MYO18A: variants seen among roughly 807,000 people sequenced by gnomAD.
MYO18A encodes unconventional myosin-XVIIIa.
Under a neutral mutation model 235.8 loss-of-function variants are expected in MYO18A, and 78 were observed. The ratio of observed to expected loss-of-function variants is 0.33; its 90% CI spans 0.28 to 0.40. MYO18A has a LOEUF of 0.40. MYO18A is among the 10% of genes least tolerant of loss of function. The pLI, the probability that MYO18A is intolerant of heterozygous loss-of-function variation, is 1.00. For synonymous variants in MYO18A, 977 were observed against 1,077.8 expected, an observed-to-expected ratio of 0.91 and a Z score of 1.83; for missense variants, 2,215 against 2,699.3, an observed-to-expected ratio of 0.82 and a Z score of 3.98.
intron 2 of MYO18A, among the ~76,000 whole-genome samples, chr17:29,135,743 T>C (rs1022128686): frequency 6.6e-6 from 1 of 152,268 alleles, no homozygotes. Flanking sequence ...ATTCTCTCTG[T>C]GGCTTTTATG....
chr17:29,086,923 C>T lies in MYO18A; in HGVS notation c.5712+13G>A. 1 of 1,608,214 alleles carries T rather than the reference C, an allele frequency of 6.2e-7. No homozygotes were observed. ...GCTGCCATGTGGGCCCCGTGGGGGA[C>T]AGGGGGCATTACCAGTTCGTGCTTC... On this transcript the variant is annotated intron_variant, in intron 38 of 41. Transcript: ENST00000527372.
At chr17:29,116,721 ACCCT>A (rs2067078396) in intron 10 of MYO18A, among the ~76,000 whole-genome samples, 8 of 3,470 alleles carry the variant, frequency 2.3e-3, no homozygotes, top group Admixed American at 7.0e-3. Flanking sequence ...GCGCAAACAC[ACCCT>A]CCCCCCCCCC....
intron 2 of MYO18A, chr17:29,128,349 C>A: frequency 7.8e-7 from 1 of 1,279,500 alleles, no homozygotes. Flanking sequence ...ACCTTCCTCA[C>A]TGCATTTGCC....
Position 29,140,490 on chromosome 17 carries a change from A to T in MYO18A, c.1000-18237T>A. 8.9e-7 allele frequency: 1 copy of T among 1,121,996 alleles called. No homozygotes were observed. The highest frequency in any genetic ancestry group is 1.1e-6 in the Non-Finnish European group (1 of 885,126). The allele number at this position is 1,121,996 out of a possible 1,614,324, so 69.5% of individuals were successfully genotyped here. A position where few individuals can be genotyped will look rare whatever the true frequency, so the allele number is the denominator to read the frequency against. ...CTCCCGTCCCGAGCTGCCCAGCCCT[A>T]GTTGGAGCCAGCAGCCCGGAGGACT... On this transcript the variant is annotated intron_variant, in intron 2 of 41. Transcript: ENST00000527372. The surrounding 1 kb of genome is among the most constrained non-coding windows in gnomAD (Gnocchi z 4.2).
Position 29,111,691 on chromosome 17 carries a change from A to T in MYO18A, c.2740+31T>A. On this transcript the variant is annotated intron_variant, in intron 16 of 41. Transcript: ENST00000527372. The surrounding 1 kb of genome is among the most constrained non-coding windows in gnomAD (Gnocchi z 5.1). ...GACCCACCTGTATGTAAGAGGAAGC[A>T]GAGGAGCTACCCTCTAGGGATGCCA... The T allele has an allele frequency of 6.2e-7, 1 of 1,612,930 alleles. No homozygotes were observed. Among genetic ancestry groups the T allele is most frequent in the Non-Finnish European group, 8.5e-7 (1 of 1,179,420 alleles).
intron 22 of MYO18A, 24 bp downstream of exon 22, chr17:29,099,610 G>A (rs775439043): frequency 1.2e-6 from 2 of 1,607,808 alleles, no homozygotes; most frequent in South Asian, 1.1e-5. Flanking sequence ...TTGGGGAGGG[G>A]GAGGGATGTC....
At chr17:29,119,553 ATTT>A (rs11349517) in intron 7 of MYO18A, 118 bp from the exon 8 acceptor site, 5,419 of 429,178 alleles carry the variant, frequency 0.013, 1 homozygote, top group East Asian at 0.03. Flanking sequence ...AAGCAGCTGC[ATTT>A]TTTTTTTTTT....
intron 2 of MYO18A, among the ~76,000 whole-genome samples, chr17:29,161,310 G>A (rs1598391987): frequency 6.7e-6 from 1 of 148,232 alleles, no homozygotes; most frequent in Admixed American, 6.8e-5. Flanking sequence ...AGCTGAGATC[G>A]CGCCACTGCA....
In MYO18A at chr17:29,079,653, C is replaced by G. The variant is rs2066067598; in HGVS notation, c.6020+2663G>C. The G allele has an allele frequency of 2.9e-5, 28 of 955,054 alleles. No homozygotes were observed. The South Asian group carries it at 1.4e-3, about 46-fold the overall frequency. The allele number at this position is 955,054 out of a possible 1,614,324, so 59.2% of individuals were successfully genotyped here. On this transcript the variant is annotated intron_variant, in intron 41 of 41. Coordinates refer to ENST00000527372, the MANE Select transcript of MYO18A (RefSeq NM_078471.4). ...TGCGGGTGGGCCCTAAGGTGGCGGC[C>G]TGAGGGGCAGGGAGGACGTTAGTTC...
rs534771883 is a variant in MYO18A, at chr17:29,121,184, G to A, written c.1399C>T (p.Arg467Trp). The A allele has an allele frequency of 4.8e-5, 77 of 1,609,240 alleles. No homozygotes were observed. In the South Asian group the frequency reaches 6.7e-4, roughly 14 times the overall value. The change falls in exon 6 of 42, where the codon CGG becomes TGG. Residue 467 changes from arginine to tryptophan, a missense_variant. Transcript: ENST00000527372. The surrounding 1 kb of genome is among the most constrained non-coding windows in gnomAD (Gnocchi z 4.2). ...TAGATGTGGGGTGCCATGTCCTCCC[G>A]CCGACAACCCTTGAACATGTGCATC... Reference protein sequence around the residue: ...KVMHMFKGCRREDMAPHIYAV... With the variant: ...KVMHMFKGCRWEDMAPHIYAV...
At position 29,111,763 on chromosome 17, in the gene MYO18A, C is replaced by A; in HGVS notation, c.2699G>T (p.Arg900Leu). The change falls in exon 16 of 42, where the codon CGC (arginine) becomes CTC (leucine). Residue 900 changes from arginine to leucine, a missense_variant. Arg to Leu is a moderately radical substitution (Grantham distance 102). Transcript: ENST00000527372. This position sits in a 1 kb window ranked among gnomAD's most constrained non-coding sequence, Gnocchi z 5.1. ...CTGGGGGCCATAATAGGAGAAAAGG[C>A]GCTCCAGGAGGGTGTCCTCACTGGC... ...PGASEDTLLE[R>L]LFSYYGPQEG... 1 of 1,613,782 alleles carries A rather than the reference C, an allele frequency of 6.2e-7. No homozygotes were observed. Among genetic ancestry groups the A allele is most frequent in the Non-Finnish European group, 8.5e-7 (1 of 1,179,794 alleles).
intron 2 of MYO18A, among the ~76,000 whole-genome samples, chr17:29,156,181 G>T (rs2068062640): frequency 6.6e-6 from 1 of 152,226 alleles, no homozygotes; most frequent in African/African-American, 2.4e-5. Flanking sequence ...TATGAAGGCA[G>T]TTCAGGGAGA....
intron 2 of MYO18A, among the ~76,000 whole-genome samples, chr17:29,131,006 G>T (rs996345445): frequency 1.3e-5 from 2 of 152,164 alleles, no homozygotes; most frequent in African/African-American, 2.4e-5. Context: ...GACGCTCCCT[G>T]ACCTAAGAGT....
At chr17:29,156,001 TG>T (rs1405717395) in intron 2 of MYO18A, among the ~76,000 whole-genome samples, 1 of 152,136 alleles carries the variant, frequency 6.6e-6, no homozygotes, top group Non-Finnish European at 1.5e-5. Flanking sequence ...CCAGAGGGGA[TG>T]GGAGCTGAGC....
intron 26 of MYO18A, 63 bp downstream of exon 26, chr17:29,097,725 C>A: frequency 1.4e-6 from 2 of 1,431,380 alleles, no homozygotes; most frequent in African/African-American, 1.4e-5. Flanking sequence ...CATGACTACC[C>A]AGGGGTGGGC....
At chr17:29,085,707 G>A (rs2066237962) in intron 39 of MYO18A, 59 bp from the exon 40 acceptor site, 6 of 1,572,880 alleles carry the variant, frequency 3.8e-6, no homozygotes, top group East Asian at 2.2e-5. Flanking sequence ...GAAATCAATC[G>A]GCAACCCAAG....
intron 2 of MYO18A, among the ~76,000 whole-genome samples, chr17:29,141,158 G>T (rs1427070094): frequency 6.6e-6 from 1 of 152,238 alleles, no homozygotes; most frequent in Non-Finnish European, 1.5e-5. Flanking sequence ...GGAGGGTGGG[G>T]TGGGCCTCAG....
chr17:29,074,296 A>T lies in MYO18A; in HGVS notation c.*474T>A, dbSNP rs1330574635. On this transcript the variant is annotated 3_prime_UTR_variant, in exon 42 of 42. Transcript: ENST00000527372. The surrounding 1 kb of genome is among the most constrained non-coding windows in gnomAD (Gnocchi z 4.4). ...GAGAGGTTGGGTATTTAAATTAAAAAGTAGAAAGACAGCAGGCACCAAGAA... is the reference window on the plus strand; with the variant it reads ...GAGAGGTTGGGTATTTAAATTAAAATGTAGAAAGACAGCAGGCACCAAGAA... 3 of 1,167,040 alleles carry T rather than the reference A, an allele frequency of 2.6e-6. No homozygotes were observed. The East Asian group carries it at 7.6e-5, about 30-fold the overall frequency. 72.3% of individuals were successfully genotyped at this position (1,167,040 alleles called of 1,614,324 possible).
At chr17:29,138,137 A>G (rs1463812168) in intron 2 of MYO18A, among the ~76,000 whole-genome samples, 2 of 152,036 alleles carry the variant, frequency 1.3e-5, no homozygotes, top group African/African-American at 4.8e-5. Context: ...GGGGGCACAA[A>G]TGCTCCTGGG....
Sources: gnomAD v4.1 joint callset for allele counts (sites outside exome capture counted in the v4.1 genomes callset) on GRCh38, gnomAD v4.1.1 for gene constraint, Gnocchi (gnomAD v3.1) non-coding constraint, MANE v1.5 for transcripts, NCBI Gene and HGNC (gene_info 2026-07-23, HGNC 2026-07-21) for gene names.